Variants in CSMD1 observed in about 807,000 individuals in gnomAD.
CSMD1 encodes CUB and Sushi multiple domains 1.
In CSMD1, 213 loss-of-function variants were observed where a neutral mutation model predicts 417.5. That is an observed-to-expected ratio of 0.51 (90% confidence interval 0.46 to 0.57). CSMD1 has a LOEUF of 0.57. Among genes scored for constraint, CSMD1 ranks in the 20% least tolerant of loss-of-function variants. The pLI is 0.00. For missense variants in CSMD1, 6,923 were observed against 4,529.7 expected, an observed-to-expected ratio of 1.53 and a Z score of -15.17; for synonymous variants, 2,862 against 1,736.8, an observed-to-expected ratio of 1.65 and a Z score of -16.11.
At chr8:4,167,800 G>T (rs190457230) in intron 3 of CSMD1, among the ~76,000 whole-genome samples, 29 of 152,020 alleles carry the variant, frequency 1.9e-4, no homozygotes, top group Non-Finnish European at 5.9e-5. Flanking sequence ...GACTAGCCTG[G>T]GCAACATACT....
At chr8:3,254,458 C>A (rs1800497385) in intron 26 of CSMD1, among the ~76,000 whole-genome samples, 2 of 152,146 alleles carry the variant, frequency 1.3e-5, no homozygotes, top group Admixed American at 6.5e-5. Context: ...TGGTTTATAT[C>A]CTGCAGAGTG....
At chr8:3,896,054 G>C (rs1394060223) in intron 5 of CSMD1, among the ~76,000 whole-genome samples, 1 of 152,142 alleles carries the variant, frequency 6.6e-6, no homozygotes, top group Non-Finnish European at 1.5e-5. Context: ...CGGAGCGCTG[G>C]ACTCATGTAG....
intron 25 of CSMD1, among the ~76,000 whole-genome samples, chr8:3,295,653 C>A (rs775857008): frequency 6.6e-6 from 1 of 152,172 alleles, no homozygotes; most frequent in Non-Finnish European, 1.5e-5. Flanking sequence ...CTAACTCGCT[C>A]TCCCTTGGGA....
intron 3 of CSMD1, among the ~76,000 whole-genome samples, chr8:4,066,476 G>C (rs535033058): frequency 3.3e-5 from 5 of 152,264 alleles, no homozygotes; most frequent in African/African-American, 1.2e-4. Flanking sequence ...AATGATGTAA[G>C]CATTAATTAA....
At chr8:4,920,856 G>C (rs1178898214) in intron 1 of CSMD1, among the ~76,000 whole-genome samples, 10 of 894 alleles carry the variant, frequency 0.011, 1 homozygote, top group African/African-American at 0.019. Context: ...GAAAAGAAAA[G>C]AAAAGAAAAG....
At chr8:4,588,452 T>C (rs1799814714) in intron 2 of CSMD1, among the ~76,000 whole-genome samples, 1 of 151,486 alleles carries the variant, frequency 6.6e-6, no homozygotes, top group Admixed American at 6.6e-5. Context: ...GTCTGTCCTC[T>C]CTGCACTGTA....
chr8:4,066,488 C>A (rs1046505242), intron 3 of CSMD1, among the ~76,000 whole-genome samples: 9 of 152,304 alleles, frequency 5.9e-5, no homozygotes, highest in Non-Finnish European at 1.2e-4. Flanking sequence ...ATTAATTAAT[C>A]TATTGACTTG....
At chr8:3,270,860 G>A (rs951129619) in intron 26 of CSMD1, among the ~76,000 whole-genome samples, 11 of 151,996 alleles carry the variant, frequency 7.2e-5, no homozygotes, top group Non-Finnish European at 1.0e-4. Context: ...TGGCTGGGGA[G>A]GCCTCACAAT....
intron 18 of CSMD1, among the ~76,000 whole-genome samples, chr8:3,383,718 G>C (rs897078901): frequency 7.2e-5 from 11 of 152,014 alleles, no homozygotes; most frequent in Non-Finnish European, 1.6e-4. Flanking sequence ...AATTCAGTAA[G>C]ATAAACGCAT....
intron 1 of CSMD1, among the ~76,000 whole-genome samples, chr8:4,852,181 A>G (rs544547422): frequency 3.3e-5 from 5 of 152,212 alleles, no homozygotes; most frequent in Admixed American, 6.5e-5. Flanking sequence ...GCATTGTTCT[A>G]TAACAGTAAA....
At chr8:4,381,638 T>C (rs1803110319) in intron 3 of CSMD1, among the ~76,000 whole-genome samples, 1 of 152,178 alleles carries the variant, frequency 6.6e-6, no homozygotes, top group African/African-American at 2.4e-5. Flanking sequence ...CCACCCCTTG[T>C]AGGCAACCAT....
chr8:2,956,281 CTT>C (rs1372031876), intron 63 of CSMD1, among the ~76,000 whole-genome samples: 21 of 151,794 alleles, frequency 1.4e-4, no homozygotes, highest in Admixed American at 1.1e-3. Flanking sequence ...TATTTAGAAA[CTT>C]AATATAGATT....
chr8:4,441,869 G>A (rs950361700), intron 2 of CSMD1, among the ~76,000 whole-genome samples: 2 of 152,148 alleles, frequency 1.3e-5, no homozygotes, highest in Non-Finnish European at 2.9e-5. Context: ...AAAGATTTGA[G>A]TTATTTTAAA....
chr8:3,926,358 T>C (rs1459640421), intron 5 of CSMD1, among the ~76,000 whole-genome samples: 2 of 152,160 alleles, frequency 1.3e-5, no homozygotes, highest in African/African-American at 2.4e-5. Flanking sequence ...TCTTATTTTA[T>C]GTTTTTTCAC....
intron 1 of CSMD1, among the ~76,000 whole-genome samples, chr8:4,724,518 ATATGTGTGTG>A (rs1374628791): frequency 2.9e-5 from 4 of 138,186 alleles, no homozygotes; most frequent in African/African-American, 9.1e-5. Context: ...CTTTATATAT[ATATGTGTGTG>A]TGTGTGTGTG....
chr8:3,245,961 T>C (rs964953962), intron 26 of CSMD1, among the ~76,000 whole-genome samples: 1 of 152,196 alleles, frequency 6.6e-6, no homozygotes, highest in African/African-American at 2.4e-5. Context: ...TTTTTTTCTC[T>C]ATTACTTTTG....
At chr8:4,255,887 G>C (rs890650064) in intron 3 of CSMD1, among the ~76,000 whole-genome samples, 6 of 152,154 alleles carry the variant, frequency 3.9e-5, no homozygotes, top group Non-Finnish European at 8.8e-5. Flanking sequence ...CCTGCTAATG[G>C]TAAACCCATG....
At chr8:4,260,638 T>C (rs774447061) in intron 3 of CSMD1, among the ~76,000 whole-genome samples, 5 of 152,160 alleles carry the variant, frequency 3.3e-5, no homozygotes, top group African/African-American at 7.2e-5. Context: ...TATTCATAAG[T>C]CCTTGTAATT....
At chr8:4,528,582 C>G (rs925920343) in intron 2 of CSMD1, among the ~76,000 whole-genome samples, 1 of 151,816 alleles carries the variant, frequency 6.6e-6, no homozygotes, top group Non-Finnish European at 1.5e-5. Flanking sequence ...ATTTGTATCA[C>G]AAAATAACAA....
Sources: allele counts gnomAD v4.1 joint callset (sites outside exome capture counted in the v4.1 genomes callset), GRCh38; gene constraint gnomAD v4.1.1; transcripts MANE v1.5; gene names NCBI Gene and HGNC (gene_info 2026-07-23, HGNC 2026-07-21).